CDH22: variants seen among roughly 807,000 people sequenced by gnomAD.
CDH22 encodes the protein cadherin-22.
A neutral mutation model predicts 58.4 loss-of-function variants in CDH22; 30 were observed. The ratio of observed to expected loss-of-function variants is 0.51; its 90% CI spans 0.38 to 0.70. The LOEUF (loss-of-function observed/expected upper bound fraction) is 0.70, where lower values mean the gene tolerates loss of function less well. Among genes scored for constraint, CDH22 ranks in the 30% least tolerant of loss-of-function variants. The pLI, the probability that CDH22 is intolerant of heterozygous loss-of-function variation, is 0.00. For synonymous variants in CDH22, 513 were observed against 558.2 expected, an observed-to-expected ratio of 0.92 and a Z score of 1.14; for missense variants, 1,014 against 1,233.9, an observed-to-expected ratio of 0.82 and a Z score of 2.67.
chr20:46,215,922 G>A (rs1006108678), intron 5 of CDH22, among the ~76,000 whole-genome samples: 2 of 152,204 alleles, frequency 1.3e-5, no homozygotes, highest in African/African-American at 2.4e-5. Context: ...CCCTGGCACC[G>A]GGAAGCCGGT....
chr20:46,207,450 A>G (rs1421216294), intron 7 of CDH22, among the ~76,000 whole-genome samples: 1 of 152,198 alleles, frequency 6.6e-6, no homozygotes, highest in Non-Finnish European at 1.5e-5. Context: ...CTCAACTCCC[A>G]GACAAACAGA....
At chr20:46,202,297 C>T (rs992393446) in intron 7 of CDH22, among the ~76,000 whole-genome samples, 12 of 151,750 alleles carry the variant, frequency 7.9e-5, no homozygotes, top group Non-Finnish European at 1.3e-4. Flanking sequence ...GGGTGTACAG[C>T]GACTCTGTCA....
intron 3 of CDH22, among the ~76,000 whole-genome samples, chr20:46,233,724 C>T (rs926163274): frequency 5.3e-5 from 8 of 152,196 alleles, no homozygotes; most frequent in African/African-American, 7.2e-5. Context: ...CCAGATTACC[C>T]GGGCCATGGG....
intron 1 of CDH22, among the ~76,000 whole-genome samples, chr20:46,252,687 C>T (rs925136962): frequency 4.6e-5 from 7 of 152,244 alleles, no homozygotes; most frequent in Non-Finnish European, 2.9e-5. Flanking sequence ...CTCAGTTCCA[C>T]CAAGCTTCAA....
At position 46,227,599 on chromosome 20, in the gene CDH22, C is replaced by G. The variant is rs369777279; in HGVS notation, c.579G>C (p.Ser193=). Residue 193 remains serine, a synonymous_variant, in exon 4 of 12, where the codon TCG becomes TCC. Transcript: ENST00000537909. ...TGTSVMQVMA[S]DADDPTYGSS... is the part of the protein sequence containing the mutation. ...TGCCGTACGTGGGGTCATCCGCATC[C>G]GAGGCCATCACCTGCATCACCGACG... is the stretch of plus-strand genomic sequence containing the variant. The G allele has an allele frequency of 6.2e-7, 1 of 1,612,938 alleles. No homozygotes were observed. Among genetic ancestry groups the G allele is most frequent in the Non-Finnish European group, 8.5e-7 (1 of 1,179,772 alleles).
At chr20:46,212,964 G>GC in intron 6 of CDH22, 31 bp downstream of exon 6, 1 of 1,597,624 alleles carries the variant, frequency 6.3e-7, no homozygotes, top group Non-Finnish European at 8.6e-7. Context: ...CCTGAGGCCT[G>GC]CCTCCCCCAT....
rs550686191 is a variant in CDH22, at chr20:46,216,730, T to C, written c.838+96A>G. 8.7e-6 allele frequency: 10 copies of C among 1,149,576 alleles called. No homozygotes were observed. The highest frequency in any genetic ancestry group is 1.9e-5 in the Admixed American group (1 of 51,910). The allele number at this position is 1,149,576 out of a possible 1,614,324, so 71.2% of individuals were successfully genotyped here. On this transcript the variant is annotated intron_variant, in intron 5 of 11. Transcript: ENST00000537909. This position sits in a 1 kb window ranked among gnomAD's most constrained non-coding sequence, Gnocchi z 5.3. ...AGAGAGGGGGAAGCCCTTCTTTTGG[T>C]GGGAAGTCTAAAGGGAAGCTGGGGT...
intron 1 of CDH22, among the ~76,000 whole-genome samples, chr20:46,265,008 C>T (rs1280873234): frequency 6.6e-6 from 1 of 152,208 alleles, no homozygotes; most frequent in Non-Finnish European, 1.5e-5. Context: ...TGCCCCTGGC[C>T]TGCACCTGTC....
intron 2 of CDH22, among the ~76,000 whole-genome samples, chr20:46,250,832 T>G (rs922098684): frequency 1.7e-4 from 26 of 151,954 alleles, no homozygotes; most frequent in African/African-American, 5.8e-4. Context: ...CTTTCTAAGA[T>G]GCAAAAGGGA....
At chr20:46,182,531 G>A (rs974938358) in intron 10 of CDH22, among the ~76,000 whole-genome samples, 13 of 152,196 alleles carry the variant, frequency 8.5e-5, no homozygotes, top group African/African-American at 3.1e-4. Context: ...TGGGCCATGG[G>A]ACCATATGTT....
rs574660193 is a variant in CDH22 at position 46,277,260 on chromosome 20, A to G, written c.-399-25567T>C. Among the ~76,000 whole-genome samples, 24 of 152,288 alleles carry G rather than the reference A, an allele frequency of 1.6e-4. No individual in the cohort carries two copies. The South Asian group carries it at 3.7e-3, about 24-fold the overall frequency. On this transcript the variant is annotated intron_variant, in intron 1 of 11. Coordinates refer to ENST00000537909, the MANE Select transcript of CDH22 (RefSeq NM_021248.3). Reference sequence around the variant, plus strand: ...GTAACTAAACATAATATCAAGACATATATGGTGGTGTATGAACCAAACGTT... The same window carrying G: ...GTAACTAAACATAATATCAAGACATGTATGGTGGTGTATGAACCAAACGTT...
At chr20:46,231,679 G>A (rs765323694) in intron 3 of CDH22, among the ~76,000 whole-genome samples, 1 of 152,140 alleles carries the variant, frequency 6.6e-6, no homozygotes, top group Non-Finnish European at 1.5e-5. Flanking sequence ...GGATAATGTT[G>A]CCACCAAGTC....
chr20:46,174,808 C>CGGAGGGCAG lies in CDH22; in HGVS notation c.2176_2184dup (p.Leu726_Ser728dup). 6.7e-7 allele frequency: 1 copy of CGGAGGGCAG among 1,485,078 alleles called. No individual in the cohort carries two copies. The highest frequency in any genetic ancestry group is 1.3e-5 in the South Asian group (1 of 79,014). The allele number at this position is 1,485,078 out of a possible 1,614,324, so 92.0% of individuals were successfully genotyped here. A position where few individuals can be genotyped will look rare whatever the true frequency, so the allele number is the denominator to read the frequency against. ...GGCCCCTGCGGCAGCGAGTGGCGCT[C>CGGAGGGCAG]GGAGGGCAGGTGGGCCTGCGGGGGG... On this transcript the variant is annotated inframe_insertion, in exon 12 of 12. Coordinates refer to ENST00000537909, the MANE Select transcript of CDH22 (RefSeq NM_021248.3). This position sits in a 1 kb window ranked among gnomAD's most constrained non-coding sequence, Gnocchi z 4.4.
chr20:46,200,803 C>T (rs1484665328), intron 7 of CDH22, among the ~76,000 whole-genome samples: 1 of 152,100 alleles, frequency 6.6e-6, no homozygotes, highest in Non-Finnish European at 1.5e-5. Flanking sequence ...TACTGGGGAG[C>T]CAACGGGGAA....
chr20:46,243,418 T>C (rs2086306422), intron 2 of CDH22, among the ~76,000 whole-genome samples: 1 of 152,250 alleles, frequency 6.6e-6, no homozygotes, highest in African/African-American at 2.4e-5. Flanking sequence ...TGGTGGAAAC[T>C]TTCCGGGTCC....
intron 10 of CDH22, among the ~76,000 whole-genome samples, chr20:46,185,207 C>G (rs2085816791): frequency 6.6e-6 from 1 of 152,064 alleles, no homozygotes; most frequent in Non-Finnish European, 1.5e-5. Context: ...CAGGAGCTTG[C>G]CAGGGTGGTA....
intron 2 of CDH22, among the ~76,000 whole-genome samples, chr20:46,249,886 C>T (rs1031475744): frequency 1.3e-5 from 2 of 152,202 alleles, no homozygotes; most frequent in African/African-American, 2.4e-5. Flanking sequence ...AACTCCTACA[C>T]GTATGTCAAA....
chr20:46,251,461 G>A lies in CDH22; in HGVS notation c.-167C>T. ...GGACGGGCCCGCGGCCCTGAACGCC[G>A]CCCAGCCGCGGGGGTACCCGGCTGG... is the stretch of plus-strand genomic sequence containing the variant. On this transcript the variant is annotated 5_prime_UTR_variant, in exon 2 of 12. Coordinates refer to ENST00000537909, the MANE Select transcript of CDH22 (RefSeq NM_021248.3). The surrounding 1 kb of genome is among the most constrained non-coding windows in gnomAD (Gnocchi z 6.7). The A allele has an allele frequency of 1.4e-6, 1 of 712,912 alleles. No homozygotes were observed. The highest frequency in any genetic ancestry group is 2.0e-6 in the Non-Finnish European group (1 of 510,948). The allele number at this position is 712,912 out of a possible 1,614,324, so 44.2% of individuals were successfully genotyped here. A position where few individuals can be genotyped will look rare whatever the true frequency, so the allele number is the denominator to read the frequency against.
At chr20:46,243,542 C>G (rs1015432774) in intron 2 of CDH22, among the ~76,000 whole-genome samples, 1 of 152,138 alleles carries the variant, frequency 6.6e-6, no homozygotes, top group African/African-American at 2.4e-5. Flanking sequence ...TTGTAAAAAC[C>G]TCATAACTCA....
Sources: allele counts gnomAD v4.1 joint callset (sites outside exome capture counted in the v4.1 genomes callset), GRCh38; gene constraint gnomAD v4.1.1; non-coding constraint Gnocchi (gnomAD v3.1); transcripts MANE v1.5; gene names NCBI Gene and HGNC (gene_info 2026-07-23, HGNC 2026-07-21).